The following ERCC8 variants were observed in gnomAD, a reference collection of about 807,000 sequenced individuals.
ERCC8 encodes DNA excision repair protein ERCC-8.
ERCC8 carries 52 observed loss-of-function variants against 54.9 expected under a neutral mutation model. The ratio of observed to expected loss-of-function variants is 0.95; its 90% CI spans 0.76 to 1.19. The LOEUF (loss-of-function observed/expected upper bound fraction) is 1.19. Among genes scored for constraint, ERCC8 ranks in the 50% most tolerant of loss-of-function variants. ERCC8 has a pLI of 0.00. For missense variants in ERCC8, 514 were observed against 466.1 expected, an observed-to-expected ratio of 1.10 and a Z score of -0.95; for synonymous variants, 146 against 157.2, an observed-to-expected ratio of 0.93 and a Z score of 0.53.
At chr5:60,874,793 T>A in intron 11 of ERCC8, 110 bp from the exon 12 acceptor site, 1 of 880,654 alleles carries the variant, frequency 1.1e-6, no homozygotes, top group South Asian at 1.6e-5. Flanking sequence ...ATTACATTAT[T>A]TTGGAAGAAA....
intron 2 of ERCC8, among the ~76,000 whole-genome samples, chr5:60,922,673 G>A (rs1749633727): frequency 6.6e-6 from 1 of 151,938 alleles, no homozygotes; most frequent in Non-Finnish European, 1.5e-5. Context: ...AAAAATAGGG[G>A]CTCAATAAAT....
intron 1 of ERCC8, among the ~76,000 whole-genome samples, chr5:60,941,540 T>G (rs1390430126): frequency 1.3e-5 from 2 of 152,120 alleles, no homozygotes; most frequent in Non-Finnish European, 2.9e-5. Flanking sequence ...GTTCCCAAGT[T>G]TATGGAAAGA....
At position 60,869,624 on chromosome 5, in the gene ERCC8, C is replaced by T. The variant is rs115894565; in HGVS notation, c.*4991G>A. 1.3e-5 allele frequency among the ~76,000 whole-genome samples: 2 copies of T among 152,014 alleles called. No homozygotes were observed. Among genetic ancestry groups the T allele is most frequent in the African/African-American group, 4.8e-5 (2 of 41,454 alleles). ...ACTTTTTTTCTCTATTAAGGTGTTC[C>T]CTTAATTCTAAAGTAAAGGCATGGT... On this transcript the variant is annotated 3_prime_UTR_variant, in exon 12 of 12. Coordinates refer to ENST00000676185, the MANE Select transcript of ERCC8 (RefSeq NM_000082.4).
chr5:60,918,494 C>A, intron 3 of ERCC8, 106 bp from the exon 4 acceptor site: 1 of 945,784 alleles, frequency 1.1e-6, no homozygotes, highest in Non-Finnish European at 1.7e-6. Context: ...TATGAATGGC[C>A]AAACCGAGAT....
At chr5:60,907,150 C>T (rs531136875) in intron 4 of ERCC8, 59 of 152,302 alleles carry the variant, frequency 3.9e-4, no homozygotes, top group African/African-American at 1.3e-3. Flanking sequence ...TTGTATTCTT[C>T]TCTGCAGTAT....
chr5:60,934,455 T>G (rs1750006654), intron 1 of ERCC8, among the ~76,000 whole-genome samples: 1 of 152,236 alleles, frequency 6.6e-6, no homozygotes, highest in Non-Finnish European at 1.5e-5. Flanking sequence ...TTTGAGTTCC[T>G]TGAATATTCT....
At chr5:60,879,235 C>A (rs1211052369) in intron 11 of ERCC8, among the ~76,000 whole-genome samples, 2 of 151,954 alleles carry the variant, frequency 1.3e-5, no homozygotes, top group Non-Finnish European at 2.9e-5. Context: ...TCTGAAAGAC[C>A]GTTTGCTATA....
rs1183334037 is a variant in ERCC8 at position 60,867,479 on chromosome 5, T to A, written c.*7136A>T. Among the ~76,000 whole-genome samples, 1 of 152,198 alleles carries A rather than the reference T, an allele frequency of 6.6e-6. No homozygotes were observed. Among genetic ancestry groups the A allele is most frequent in the Non-Finnish European group, 1.5e-5 (1 of 68,034 alleles). ...TAATCTTACCATTCTTTAATGTCCATAGTGATCATCACTGAGTTATTCTAA... is the reference window on the plus strand; with the variant it reads ...TAATCTTACCATTCTTTAATGTCCAAAGTGATCATCACTGAGTTATTCTAA... On this transcript the variant is annotated 3_prime_UTR_variant, in exon 12 of 12. Coordinates refer to ENST00000676185, the MANE Select transcript of ERCC8 (RefSeq NM_000082.4).
At chr5:60,931,300 A>C (rs1187552108) in intron 1 of ERCC8, among the ~76,000 whole-genome samples, 1 of 152,096 alleles carries the variant, frequency 6.6e-6, no homozygotes, top group East Asian at 1.9e-4. Context: ...CTTTAACATT[A>C]AATTTTTTTT....
At chr5:60,913,702 TCTTTCCTG>T (rs1326852900) in intron 4 of ERCC8, among the ~76,000 whole-genome samples, 1 of 152,186 alleles carries the variant, frequency 6.6e-6, no homozygotes, top group African/African-American at 2.4e-5. Context: ...CGATTTTAGA[TCTTTCCTG>T]CTTTCTCTTC....
At chr5:60,899,362 A>G (rs1748807893) in intron 8 of ERCC8, among the ~76,000 whole-genome samples, 1 of 152,086 alleles carries the variant, frequency 6.6e-6, no homozygotes, top group African/African-American at 2.4e-5. Flanking sequence ...AGCAAAAACA[A>G]AACAAGTAAA....
intron 4 of ERCC8, among the ~76,000 whole-genome samples, chr5:60,907,750 A>C (rs919373449): frequency 6.6e-6 from 1 of 152,156 alleles, no homozygotes; most frequent in African/African-American, 2.4e-5. Flanking sequence ...CGCTTCCCTA[A>C]GACAAAAAAA....
intron 7 of ERCC8, among the ~76,000 whole-genome samples, chr5:60,900,210 T>G (rs1446565010): frequency 6.6e-6 from 1 of 152,062 alleles, no homozygotes; most frequent in Non-Finnish European, 1.5e-5. Context: ...ATGAGGACAA[T>G]GCATTTCCAT....
intron 11 of ERCC8, among the ~76,000 whole-genome samples, chr5:60,882,616 A>G (rs1259811249): frequency 6.6e-6 from 1 of 151,570 alleles, no homozygotes; most frequent in Non-Finnish European, 1.5e-5. Flanking sequence ...CTTGAACTCC[A>G]GATCTTGTGA....
intron 9 of ERCC8, chr5:60,892,998 C>T (rs1419954701): frequency 1.3e-6 from 1 of 776,124 alleles, no homozygotes; most frequent in South Asian, 1.3e-5. Flanking sequence ...ATGCTGGGTC[C>T]TGGCCTTGAA....
At chr5:60,901,884 CCTG>C (rs1312373077) in intron 7 of ERCC8, among the ~76,000 whole-genome samples, 1 of 151,992 alleles carries the variant, frequency 6.6e-6, no homozygotes, top group Non-Finnish European at 1.5e-5. Context: ...GTTAAGTGAT[CCTG>C]CTTTCTTTTC....
At chr5:60,940,822 C>G (rs1485057272) in intron 1 of ERCC8, among the ~76,000 whole-genome samples, 3 of 152,166 alleles carry the variant, frequency 2.0e-5, no homozygotes, top group African/African-American at 7.2e-5. Flanking sequence ...ACAAAAATAT[C>G]AACATTCTTC....
intron 1 of ERCC8, among the ~76,000 whole-genome samples, chr5:60,938,872 A>G (rs545603307): frequency 1.3e-5 from 2 of 152,302 alleles, no homozygotes; most frequent in African/African-American, 4.8e-5. Flanking sequence ...CTTACCTAAT[A>G]TTCGTAGTGA....
At chr5:60,939,166 T>C (rs1453979879) in intron 1 of ERCC8, among the ~76,000 whole-genome samples, 3 of 152,204 alleles carry the variant, frequency 2.0e-5, no homozygotes, top group Non-Finnish European at 2.9e-5. Context: ...TTTAATGAAG[T>C]TGCTATTCAT....
Sources: allele counts gnomAD v4.1 joint callset (sites outside exome capture counted in the v4.1 genomes callset), GRCh38; gene constraint gnomAD v4.1.1; transcripts MANE v1.5; gene names NCBI Gene and HGNC (gene_info 2026-07-23, HGNC 2026-07-21).